The following IL15 variants were observed in gnomAD, a reference collection of about 807,000 sequenced individuals.
The protein encoded by IL15 is interleukin 15.
IL15 carries 11 observed loss-of-function variants against 19.6 expected under a neutral mutation model. The ratio of observed to expected loss-of-function variants is 0.56; its 90% CI spans 0.35 to 0.93. IL15 has a LOEUF of 0.93. IL15 is among the 40% of genes least tolerant of loss of function. IL15 has a pLI of 0.01. For synonymous variants in IL15, 58 were observed against 59.6 expected (o/e 0.97, Z 0.12); for missense variants, 197 against 186.5 (o/e 1.06, Z -0.33).
chr4:141,653,767 AT>A (rs1727494133), intron 1 of IL15, among the ~76,000 whole-genome samples: 1 of 152,212 alleles, frequency 6.6e-6, no homozygotes, highest in African/African-American at 2.4e-5. Flanking sequence ...TACAGGAAAT[AT>A]TCACATGAGT....
intron 2 of IL15, among the ~76,000 whole-genome samples, chr4:141,691,726 A>G (rs13111860): frequency 0.77 from 117,638 of 152,132 alleles, 45,812 homozygotes; most frequent in East Asian, 0.99. Context: ...GGCTCCCAAG[A>G]CCTTGGGCAT....
chr4:141,731,816 A>G lies in IL15; in HGVS notation c.379-922A>G, dbSNP rs1230199005. On this transcript the variant is annotated intron_variant, in intron 7 of 7. Transcript: ENST00000320650. ...AAATAGTTAATGGATATAAAATCTA[A>G]TTTTTATTTTTGCTGGCACAGCCTT... Among the ~76,000 whole-genome samples, 4 of 152,184 alleles carry G rather than the reference A, an allele frequency of 2.6e-5. 1 individual carries two copies. The highest frequency in any genetic ancestry group is 2.6e-4 in the Admixed American group (4 of 15,272).
chr4:141,682,313 T>G (rs76290545), intron 2 of IL15, among the ~76,000 whole-genome samples: 3,407 of 152,326 alleles, frequency 0.022, 131 homozygotes, highest in African/African-American at 0.077. Context: ...AAAATTTGAA[T>G]AGTAGGAAAA....
chr4:141,732,908 AC>A lies in IL15; in HGVS notation c.*61del. The A allele has an allele frequency of 2.6e-6, 4 of 1,553,972 alleles. No individual in the cohort carries two copies. ...TAACAAACATCACTCTGCTGCTTAGACATAACAAAACACTCGGCATTTCAAA... is the reference window on the plus strand; with the variant it reads ...TAACAAACATCACTCTGCTGCTTAGAATAACAAAACACTCGGCATTTCAAA... On this transcript the variant is annotated 3_prime_UTR_variant, in exon 8 of 8. Transcript: ENST00000320650.
At chr4:141,706,197 T>G (rs2152183870) in intron 2 of IL15, among the ~76,000 whole-genome samples, 1 of 152,182 alleles carries the variant, frequency 6.6e-6, no homozygotes, top group South Asian at 2.1e-4. Context: ...GTTACTAAGC[T>G]TGGTTTCTTT....
chr4:141,732,668 T>C, intron 7 of IL15, 70 bp from the exon 8 acceptor site: 1 of 1,572,584 alleles, frequency 6.4e-7, no homozygotes, highest in Non-Finnish European at 8.6e-7. Flanking sequence ...GATATGATAT[T>C]CCCATTCCCA....
chr4:141,704,859 A>G (rs189958700), intron 2 of IL15, among the ~76,000 whole-genome samples: 49 of 151,768 alleles, frequency 3.2e-4, no homozygotes, highest in Admixed American at 7.2e-4. Flanking sequence ...GTCATCAATT[A>G]TTTTGGTGTA....
chr4:141,684,324 C>T (rs759501503), intron 2 of IL15, among the ~76,000 whole-genome samples: 4 of 152,092 alleles, frequency 2.6e-5, no homozygotes, highest in South Asian at 2.1e-4. Flanking sequence ...AATAGGTAAA[C>T]GACTGGTCTG....
chr4:141,683,652 G>A (rs912639725), intron 2 of IL15, among the ~76,000 whole-genome samples: 1 of 151,878 alleles, frequency 6.6e-6, no homozygotes, highest in Non-Finnish European at 1.5e-5. Flanking sequence ...TGCACTGTGC[G>A]AACCTGGAAC....
intron 4 of IL15, chr4:141,721,317 G>A (rs1328330167): frequency 1.6e-6 from 1 of 635,372 alleles, no homozygotes; most frequent in African/African-American, 1.8e-5. Context: ...ATTTTGTCTG[G>A]ATATTAAATT....
intron 2 of IL15, among the ~76,000 whole-genome samples, chr4:141,679,762 T>A (rs561081409): frequency 6.6e-6 from 1 of 152,350 alleles, no homozygotes; most frequent in East Asian, 1.9e-4. Flanking sequence ...ATATATTGCA[T>A]GAAACACTGA....
At chr4:141,726,636 TATG>T (rs1349287977) in intron 5 of IL15, among the ~76,000 whole-genome samples, 1 of 152,106 alleles carries the variant, frequency 6.6e-6, no homozygotes, top group Non-Finnish European at 1.5e-5. Context: ...CACACAAAAA[TATG>T]TACATGAATG....
At chr4:141,697,332 T>A (rs1729130615) in intron 2 of IL15, among the ~76,000 whole-genome samples, 1 of 152,150 alleles carries the variant, frequency 6.6e-6, no homozygotes, top group African/African-American at 2.4e-5. Context: ...CTATTTGGCT[T>A]TATTTCTGGG....
At chr4:141,683,055 G>C (rs1293926088) in intron 2 of IL15, among the ~76,000 whole-genome samples, 1 of 151,740 alleles carries the variant, frequency 6.6e-6, no homozygotes, top group Non-Finnish European at 1.5e-5. Flanking sequence ...CGGATCACGA[G>C]GTCAAGTGAT....
chr4:141,729,763 T>C, intron 6 of IL15, 84 bp from the exon 7 acceptor site: 3 of 751,106 alleles, frequency 4.0e-6, no homozygotes, highest in Non-Finnish European at 6.7e-6. Flanking sequence ...ATATTTGGAT[T>C]GACTTTTTGA....
At chr4:141,697,110 C>G (rs1444801635) in intron 2 of IL15, among the ~76,000 whole-genome samples, 1 of 151,832 alleles carries the variant, frequency 6.6e-6, no homozygotes. Context: ...GAAGTTTTCC[C>G]AATGTTGTCT....
intron 2 of IL15, among the ~76,000 whole-genome samples, chr4:141,690,556 C>T (rs1041062955): frequency 6.6e-6 from 1 of 152,344 alleles, no homozygotes; most frequent in South Asian, 2.1e-4. Flanking sequence ...TCAGTTTCCT[C>T]TTTGCAACTC....
At chr4:141,686,138 T>TA (rs568002225) in intron 2 of IL15, among the ~76,000 whole-genome samples, 99 of 151,586 alleles carry the variant, frequency 6.5e-4, no homozygotes, top group African/African-American at 2.3e-3. Context: ...CTGCTAAAAA[T>TA]AAAAAAATTA....
At chr4:141,652,953 C>G (rs1017294525) in intron 1 of IL15, among the ~76,000 whole-genome samples, 1 of 152,080 alleles carries the variant, frequency 6.6e-6, no homozygotes, top group African/African-American at 2.4e-5. Flanking sequence ...TTATTATCAG[C>G]AGGTAATAAG....
Sources: gnomAD v4.1 joint callset for allele counts (sites outside exome capture counted in the v4.1 genomes callset) on GRCh38, gnomAD v4.1.1 for gene constraint, MANE v1.5 for transcripts, NCBI Gene and HGNC (gene_info 2026-07-23, HGNC 2026-07-21) for gene names.